Variants in RCAN3 observed in about 807,000 individuals in gnomAD.
The protein encoded by RCAN3 is regulator of calcineurin 3.
In RCAN3, 19 loss-of-function variants were observed where a neutral mutation model predicts 21.9. The observed-to-expected ratio is 0.87, with a 90% CI of 0.61 to 1.27. The LOEUF (loss-of-function observed/expected upper bound fraction) is 1.27, where lower values mean the gene tolerates loss of function less well. Ranked by LOEUF, RCAN3 falls within the 50% of genes most tolerant of loss-of-function variation. The pLI, the probability that RCAN3 is intolerant of heterozygous loss-of-function variation, is 0.00. For missense variants in RCAN3, 240 were observed against 300.1 expected (o/e 0.80, Z 1.48); for synonymous variants, 114 against 112.3 (o/e 1.01, Z -0.09).
In RCAN3 at chr1:24,536,447, A is replaced by G. The variant is rs1307086133; in HGVS notation, c.*1170A>G. 6.6e-6 allele frequency: 1 copy of G among 152,176 alleles called. No individual in the cohort carries two copies. Among genetic ancestry groups the G allele is most frequent in the African/African-American group, 2.4e-5 (1 of 41,434 alleles). 9.4% of individuals were successfully genotyped at this position (152,176 alleles called of 1,614,324 possible). On this transcript the variant is annotated 3_prime_UTR_variant, in exon 5 of 5. Coordinates refer to ENST00000374395, the MANE Select transcript of RCAN3 (RefSeq NM_013441.4). ...GAATTGTTTCCCACTTAGGTGTCAG[A>G]ATGTACCTTTGAACTTCCCTAAGAA...
In RCAN3 at chr1:24,539,834, CCTT is replaced by C. The variant is rs1650412495; in HGVS notation, c.*4562_*4564del. On this transcript the variant is annotated 3_prime_UTR_variant, in exon 5 of 5. Transcript: ENST00000374395. Reference sequence around the variant, plus strand: ...AAACAGGTGAACTTGGTCCATCTTTCCTTCTTCCTTTTTTTGCACATTTGCATT... The same window carrying C: ...AAACAGGTGAACTTGGTCCATCTTTCCTTCCTTTTTTTGCACATTTGCATT... 1 of 152,188 alleles carries C rather than the reference CCTT, an allele frequency of 6.6e-6. No homozygotes were observed. The highest frequency in any genetic ancestry group is 2.4e-5 in the African/African-American group (1 of 41,446). The allele number at this position is 152,188 out of a possible 1,614,324, so 9.4% of individuals were successfully genotyped here.
intron 1 of RCAN3, among the ~76,000 whole-genome samples, chr1:24,510,383 T>A (rs892017874): frequency 6.6e-6 from 1 of 152,258 alleles, no homozygotes; most frequent in Non-Finnish European, 1.5e-5. Flanking sequence ...GCCACCTTCA[T>A]CAATGACCTT....
At chr1:24,520,571 C>CT (rs1162907400) in intron 2 of RCAN3, among the ~76,000 whole-genome samples, 1 of 151,294 alleles carries the variant, frequency 6.6e-6, no homozygotes, top group Non-Finnish European at 1.5e-5. Flanking sequence ...TCTCAGCAAA[C>CT]TATCGCAAGG....
intron 2 of RCAN3, among the ~76,000 whole-genome samples, chr1:24,527,211 C>G (rs11576598): frequency 0.018 from 2,786 of 152,124 alleles, 39 homozygotes; most frequent in Non-Finnish European, 0.029. Context: ...GATGGGGTTT[C>G]ACCGCATTGG....
chr1:24,505,936 C>G (rs1428568399), intron 1 of RCAN3, among the ~76,000 whole-genome samples: 1 of 152,152 alleles, frequency 6.6e-6, no homozygotes, highest in Non-Finnish European at 1.5e-5. Context: ...GACATTTTGC[C>G]TTGATAGATG....
At position 24,535,179 on chromosome 1, in the gene RCAN3, G is replaced by A. The variant is rs753098123; in HGVS notation, c.628G>A (p.Glu210Lys). The change falls in exon 5 of 5, where the codon GAG becomes AAG. Residue 210 changes from glutamate (E) to lysine (K), a missense_variant. Glu to Lys is a moderately conservative substitution (Grantham distance 56). Coordinates refer to ENST00000374395, the MANE Select transcript of RCAN3 (RefSeq NM_013441.4). The part of the protein sequence containing the change: ...VCESETEEEE[E>K]TKNPKQKIAQ... The stretch of plus-strand genomic sequence containing the variant: ...TGAAAGTGAAACTGAAGAGGAAGAA[G>A]AGACAAAAAACCCCAAACAGAAAAT... 5.6e-6 allele frequency: 9 copies of A among 1,594,606 alleles called. No individual in the cohort carries two copies. In the African/African-American group the frequency reaches 8.2e-5, roughly 14 times the overall value.
intron 1 of RCAN3, among the ~76,000 whole-genome samples, chr1:24,509,654 G>C (rs562446572): frequency 6.6e-6 from 1 of 152,242 alleles, no homozygotes; most frequent in Non-Finnish European, 1.5e-5. Flanking sequence ...TTTCTCCACT[G>C]ATGTCTTGAA....
Position 24,538,791 on chromosome 1 carries a change from T to C in RCAN3, c.*3514T>C, listed in dbSNP as rs1276476206. ...AGGAGATAGAGGTGAAGTGCAGTAC[T>C]TTTATTCTTTAAGAATATAGTCTTT... On this transcript the variant is annotated 3_prime_UTR_variant, in exon 5 of 5. Transcript: ENST00000374395. 6.6e-6 allele frequency: 1 copy of C among 152,098 alleles called. No homozygotes were observed. The highest frequency in any genetic ancestry group is 2.4e-5 in the African/African-American group (1 of 41,412). The allele number at this position is 152,098 out of a possible 1,614,324, so 9.4% of individuals were successfully genotyped here.
intron 2 of RCAN3, among the ~76,000 whole-genome samples, chr1:24,529,660 C>T (rs930322276): frequency 6.7e-6 from 1 of 150,106 alleles, no homozygotes; most frequent in Admixed American, 6.6e-5. Flanking sequence ...GAGCAATTCT[C>T]CCATCTCAGC....
At chr1:24,518,308 A>C (rs1186252274) in intron 2 of RCAN3, among the ~76,000 whole-genome samples, 1 of 152,216 alleles carries the variant, frequency 6.6e-6, no homozygotes, top group Admixed American at 6.5e-5. Flanking sequence ...CTAGATCATT[A>C]GATTTTGGCT....
At chr1:24,530,378 A>AAAAAAAAAAAAAAAAC (rs1649664234) in intron 2 of RCAN3, among the ~76,000 whole-genome samples, 2 of 149,302 alleles carry the variant, frequency 1.3e-5, no homozygotes, top group African/African-American at 2.5e-5. Context: ...AAAAAAAAAA[A>AAAAAAAAAAAAAAAAC]AGACAGTCAC....
In RCAN3 at chr1:24,535,213, C is replaced by A. The variant is rs750533612; in HGVS notation, c.662C>A (p.Thr221Lys). The part of the protein sequence containing the change: ...TKNPKQKIAQ[T>K]RRPDPPTAAL... ...AACCCCAAACAGAAAATTGCCCAGA[C>A]GAGGCGCCCCGACCCTCCGACCGCA... The change falls in exon 5 of 5, where the codon ACG becomes AAG. Residue 221 changes from threonine to lysine, a missense_variant. Physicochemically the swap from Thr to Lys is moderately conservative, Grantham distance 78. Transcript: ENST00000374395. The A allele has an allele frequency of 6.3e-7, 1 of 1,590,804 alleles. No homozygotes were observed. Among genetic ancestry groups the A allele is most frequent in the African/African-American group, 1.4e-5 (1 of 72,880 alleles).
intron 1 of RCAN3, among the ~76,000 whole-genome samples, chr1:24,505,631 A>G (rs1647382157): frequency 6.6e-6 from 1 of 152,146 alleles, no homozygotes; most frequent in Admixed American, 6.5e-5. Context: ...TATACACTTT[A>G]TGTATTTTAT....
chr1:24,512,668 GA>G lies in RCAN3; in HGVS notation c.-59-1643del, dbSNP rs766740649. Among the ~76,000 whole-genome samples, 43 of 152,180 alleles carry G rather than the reference GA, an allele frequency of 2.8e-4. No individual in the cohort carries two copies. The East Asian group carries it at 6.8e-3, about 24-fold the overall frequency. ...ATGTATTTGTGACCTTCTGTTCTTT[GA>G]AATAAAAGGGAAAAATCACAAATCA... On this transcript the variant is annotated intron_variant, in intron 1 of 4. Transcript: ENST00000374395.
At chr1:24,524,419 T>C (rs185196688) in intron 2 of RCAN3, among the ~76,000 whole-genome samples, 73 of 152,346 alleles carry the variant, frequency 4.8e-4, no homozygotes, top group Admixed American at 2.5e-3. Flanking sequence ...TTTGCATTTT[T>C]CATATATTCT....
chr1:24,513,315 G>A (rs536517994), intron 1 of RCAN3, among the ~76,000 whole-genome samples: 2 of 152,046 alleles, frequency 1.3e-5, no homozygotes, highest in Admixed American at 1.3e-4. Flanking sequence ...ATGTTGTCAG[G>A]CTGGTCTTGA....
At chr1:24,516,902 A>C (rs72884413) in intron 2 of RCAN3, among the ~76,000 whole-genome samples, 6,814 of 152,234 alleles carry the variant, frequency 0.045, 531 homozygotes, top group African/African-American at 0.15. Context: ...AAGTTCAGTC[A>C]TAATTTAGAC....
intron 3 of RCAN3, among the ~76,000 whole-genome samples, chr1:24,531,804 A>G (rs1052632629): frequency 2.0e-5 from 3 of 152,210 alleles, no homozygotes; most frequent in Non-Finnish European, 4.4e-5. Flanking sequence ...CATATGAGGA[A>G]CCAGGGAGGT....
intron 1 of RCAN3, among the ~76,000 whole-genome samples, chr1:24,503,625 C>T (rs1647242713): frequency 1.3e-5 from 2 of 152,236 alleles, no homozygotes; most frequent in African/African-American, 2.4e-5. Flanking sequence ...CTGCTTCTGT[C>T]CGCCGCCTGG....
Sources: allele counts gnomAD v4.1 joint callset (sites outside exome capture counted in the v4.1 genomes callset), GRCh38; gene constraint gnomAD v4.1.1; transcripts MANE v1.5; gene names NCBI Gene and HGNC (gene_info 2026-07-23, HGNC 2026-07-21).